The following MALRD1 variants were observed in gnomAD, a reference collection of about 807,000 sequenced individuals.
MALRD1 encodes the protein MAM and LDL receptor class A domain containing 1.
Under a neutral mutation model 242.1 loss-of-function variants are expected in MALRD1, and 247 were observed. The observed-to-expected ratio is 1.02, with a 90% CI of 0.92 to 1.13. The LOEUF (loss-of-function observed/expected upper bound fraction) is 1.13. MALRD1 is among the 50% of genes most tolerant of loss of function. The pLI, the probability that MALRD1 is intolerant of heterozygous loss-of-function variation, is 0.00. For synonymous variants in MALRD1, 995 were observed against 866.6 expected (o/e 1.15, Z -2.60); for missense variants, 2,989 against 2,533.1 (o/e 1.18, Z -3.86).
At chr10:19,598,756 C>G (rs991880946) in intron 34 of MALRD1, among the ~76,000 whole-genome samples, 1 of 151,352 alleles carries the variant, frequency 6.6e-6, no homozygotes, top group African/African-American at 2.4e-5. Flanking sequence ...TAGATGAGAT[C>G]AAAGAGAGAG....
At position 19,361,423 on chromosome 10, in the gene MALRD1, C is replaced by T. The variant is rs575884032; in HGVS notation, c.4441+9126C>T. 3.9e-5 allele frequency among the ~76,000 whole-genome samples: 6 copies of T among 152,082 alleles called. No homozygotes were observed. The South Asian group carries it at 6.2e-4, about 16-fold the overall frequency. ...CATCCCCCAGACACTAAAGAGCTGC[C>T]ATATCAGCCTACGATTTCTTAGCTC... On this transcript the variant is annotated intron_variant, in intron 26 of 39. Transcript: ENST00000454679.
Position 19,440,354 on chromosome 10 carries a change from T to G in MALRD1, c.4846-9953T>G, listed in dbSNP as rs370794204. ...ATAGCTTAAAACCCATTCTTTTTTT[T>G]TATATTACACTTTAAGTTCTAGGGT... On this transcript the variant is annotated intron_variant, in intron 28 of 39. Coordinates refer to ENST00000454679, the MANE Select transcript of MALRD1 (RefSeq NM_001142308.3). Among the ~76,000 whole-genome samples, 88 of 152,298 alleles carry G rather than the reference T, an allele frequency of 5.8e-4. 1 individual carries two copies. Among genetic ancestry groups the G allele is most frequent in the Middle Eastern group, 6.8e-3 (2 of 294 alleles).
chr10:19,268,856 G>A (rs1251608627), intron 19 of MALRD1, among the ~76,000 whole-genome samples: 3 of 152,142 alleles, frequency 2.0e-5, no homozygotes, highest in African/African-American at 7.2e-5. Flanking sequence ...CTTACAGAGT[G>A]AGGAGTTAGA....
At chr10:19,545,281 A>G (rs925178472) in intron 32 of MALRD1, among the ~76,000 whole-genome samples, 3 of 152,192 alleles carry the variant, frequency 2.0e-5, no homozygotes, top group African/African-American at 7.2e-5. Context: ...AAATACAGTC[A>G]CATTCTGAGG....
intron 36 of MALRD1, among the ~76,000 whole-genome samples, chr10:19,690,628 C>A (rs1443540991): frequency 6.6e-6 from 1 of 151,736 alleles, no homozygotes; most frequent in Non-Finnish European, 1.5e-5. Flanking sequence ...TGTGTATTTT[C>A]TGTAAAATTA....
intron 28 of MALRD1, among the ~76,000 whole-genome samples, chr10:19,428,223 G>A (rs780616543): frequency 4.0e-5 from 6 of 151,538 alleles, no homozygotes; most frequent in Admixed American, 1.3e-4. Flanking sequence ...GAGATTTCAC[G>A]GCAAGCTCCA....
At chr10:19,481,118 C>T (rs181945274) in intron 29 of MALRD1, among the ~76,000 whole-genome samples, 3 of 152,208 alleles carry the variant, frequency 2.0e-5, no homozygotes, top group African/African-American at 7.2e-5. Flanking sequence ...TCAGGAAATA[C>T]TCCTTTCAGC....
chr10:19,664,534 A>G (rs1040797762), intron 36 of MALRD1, among the ~76,000 whole-genome samples: 1 of 151,988 alleles, frequency 6.6e-6, no homozygotes, highest in African/African-American at 2.4e-5. Flanking sequence ...GCCTTTGTAT[A>G]TGTCAAAAGC....
In MALRD1 at chr10:19,650,986, T is replaced by C. The variant is rs542858955; in HGVS notation, c.6137+35063T>C. On this transcript the variant is annotated intron_variant, in intron 36 of 39. Transcript: ENST00000454679. ...GTTTCCAAACCCACTGAGTGGATAA[T>C]AGAAAGCCAGTCTCCCCACTATCTC... Among the ~76,000 whole-genome samples the C allele has an allele frequency of 5.3e-5, 8 of 152,278 alleles. No homozygotes were observed. In the South Asian group the frequency reaches 1.0e-3, roughly 20 times the overall value.
intron 36 of MALRD1, among the ~76,000 whole-genome samples, chr10:19,677,089 A>G (rs1842169025): frequency 2.6e-5 from 4 of 152,064 alleles, no homozygotes; most frequent in African/African-American, 7.3e-5. Context: ...GGTTGACTCC[A>G]TATCTTTGCT....
At chr10:19,148,788 AAT>A (rs767384867) in intron 11 of MALRD1, among the ~76,000 whole-genome samples, 1,264 of 88,010 alleles carry the variant, frequency 0.014, 33 homozygotes, top group East Asian at 0.11. Context: ...AAAAAAAAAA[AAT>A]ATATATATAT....
At chr10:19,241,730 C>T (rs1838786556) in intron 18 of MALRD1, among the ~76,000 whole-genome samples, 1 of 152,048 alleles carries the variant, frequency 6.6e-6, no homozygotes, top group Admixed American at 6.6e-5. Flanking sequence ...TTGCTACGTT[C>T]CATAGGTTTG....
chr10:19,559,665 C>T (rs1372897025), intron 32 of MALRD1, among the ~76,000 whole-genome samples: 1 of 152,058 alleles, frequency 6.6e-6, no homozygotes, highest in African/African-American at 2.4e-5. Context: ...TAAAGGACTT[C>T]TGCAAAGCAA....
At chr10:19,570,433 A>C (rs1300655525) in intron 33 of MALRD1, among the ~76,000 whole-genome samples, 1 of 152,074 alleles carries the variant, frequency 6.6e-6, no homozygotes, top group Admixed American at 6.6e-5. Flanking sequence ...AGTAAACTCA[A>C]ATCTACTATA....
At chr10:19,456,314 G>T (rs553158233) in intron 29 of MALRD1, among the ~76,000 whole-genome samples, 1 of 152,172 alleles carries the variant, frequency 6.6e-6, no homozygotes, top group South Asian at 2.1e-4. Flanking sequence ...AATGTAAAAA[G>T]ACATTCTTTT....
In MALRD1 at chr10:19,607,842, C is replaced by T; in HGVS notation, c.6010C>T (p.Gln2004Ter). Residue 2004 changes from glutamine (Q) to a stop codon, truncating the protein, a stop_gained, in exon 35 of 40, where the codon CAG becomes TAG. Coordinates refer to ENST00000454679, the MANE Select transcript of MALRD1 (RefSeq NM_001142308.3). LOFTEE classifies it high-confidence loss of function. ...ASSNSCIPAH[Q>*]RCDGFADCMD... The stretch of plus-strand genomic sequence containing the variant: ...CTCCAACAGCTGTATCCCAGCCCAC[C>T]AGCGCTGTGATGGTTTTGCCGACTG... 4 of 1,549,786 alleles carry T rather than the reference C, an allele frequency of 2.6e-6. No homozygotes were observed. Among genetic ancestry groups the T allele is most frequent in the Non-Finnish European group, 3.5e-6 (4 of 1,146,534 alleles).
intron 19 of MALRD1, among the ~76,000 whole-genome samples, chr10:19,272,671 T>C (rs1270768517): frequency 6.6e-6 from 1 of 152,148 alleles, no homozygotes; most frequent in African/African-American, 2.4e-5. Flanking sequence ...GTCCTAATGC[T>C]ATCCCTCCCC....
intron 34 of MALRD1, among the ~76,000 whole-genome samples, chr10:19,601,120 G>A (rs1213998319): frequency 6.6e-6 from 1 of 152,074 alleles, no homozygotes; most frequent in African/African-American, 2.4e-5. Flanking sequence ...GGGCTCAAAT[G>A]ATCCTGCCGC....
rs376894649 is a variant in MALRD1 at position 19,530,334 on chromosome 10, T to TAAATATATAATATTTATATA, written c.5321-858_5321-857insATATATAATATTTATATAAA. ...AAATGTTGAAATTTATATAAATATA[T>TAAATATATAATATTTATATA]AATATTTATATAAATATATAATATT... On this transcript the variant is annotated intron_variant, in intron 31 of 39. Coordinates refer to ENST00000454679, the MANE Select transcript of MALRD1 (RefSeq NM_001142308.3). 8.7e-5 allele frequency among the ~76,000 whole-genome samples: 3 copies of TAAATATATAATATTTATATA among 34,616 alleles called. No individual in the cohort carries two copies. In the Admixed American group the frequency reaches 1.4e-3, roughly 16 times the overall value. 22.7% of individuals were successfully genotyped at this position (34,616 alleles called of 152,430 possible). A position where few individuals can be genotyped will look rare whatever the true frequency, so the allele number is the denominator to read the frequency against.
Sources: gnomAD v4.1 joint callset for allele counts (sites outside exome capture counted in the v4.1 genomes callset) on GRCh38, gnomAD v4.1.1 for gene constraint, MANE v1.5 for transcripts, NCBI Gene and HGNC (gene_info 2026-07-23, HGNC 2026-07-21) for gene names.